The following MARCHF1 variants were observed in gnomAD, a reference collection of about 807,000 sequenced individuals.
MARCHF1 encodes the protein E3 ubiquitin-protein ligase MARCHF1.
A neutral mutation model predicts 54.2 loss-of-function variants in MARCHF1; 40 were observed. That is an observed-to-expected ratio of 0.74 (90% CI 0.57 to 0.96). The LOEUF (loss-of-function observed/expected upper bound fraction) is 0.96, where lower values mean the gene tolerates loss of function less well. Among genes scored for constraint, MARCHF1 ranks in the 40% least tolerant of loss-of-function variants. The probability of loss-of-function intolerance (pLI) is 0.00; values close to 1 mark genes in which losing one functional copy is unlikely to be tolerated. For synonymous variants in MARCHF1, 236 were observed against 236.3 expected, an observed-to-expected ratio of 1.00 and a Z score of 0.01; for missense variants, 586 against 656.5, an observed-to-expected ratio of 0.89 and a Z score of 1.17.
At chr4:164,245,036 G>A (rs1732899013) in intron 1 of MARCHF1, among the ~76,000 whole-genome samples, 1 of 152,112 alleles carries the variant, frequency 6.6e-6, no homozygotes, top group African/African-American at 2.4e-5. Context: ...GGTACAAGGA[G>A]GAACTGGTAC....
intron 4 of MARCHF1, among the ~76,000 whole-genome samples, chr4:163,772,144 A>T (rs1186602556): frequency 6.6e-6 from 1 of 152,118 alleles, no homozygotes; most frequent in Non-Finnish European, 1.5e-5. Flanking sequence ...TACAGCTTTA[A>T]ATGAAATAAA....
intron 4 of MARCHF1, among the ~76,000 whole-genome samples, chr4:163,795,378 C>T (rs1451448762): frequency 6.6e-6 from 1 of 152,036 alleles, no homozygotes; most frequent in African/African-American, 2.4e-5. Context: ...TACAGGCGCA[C>T]ACCACCAGGC....
intron 4 of MARCHF1, among the ~76,000 whole-genome samples, chr4:163,790,463 A>G (rs17577600): frequency 0.024 from 3,666 of 152,176 alleles, 61 homozygotes; most frequent in Non-Finnish European, 0.03. Context: ...GGGTCTCAGA[A>G]GGCAGAATAT....
At chr4:164,027,742 TAGTA>T (rs796820820) in intron 2 of MARCHF1, among the ~76,000 whole-genome samples, 58 of 152,072 alleles carry the variant, frequency 3.8e-4, no homozygotes, top group African/African-American at 1.4e-3. Context: ...AAACAAAAAT[TAGTA>T]AGTGAGACCT....
chr4:164,288,312 A>C (rs1241843046), intron 1 of MARCHF1, among the ~76,000 whole-genome samples: 1 of 152,190 alleles, frequency 6.6e-6, no homozygotes, highest in Non-Finnish European at 1.5e-5. Flanking sequence ...TCTTGAAATT[A>C]ATATTCTTAT....
intron 3 of MARCHF1, among the ~76,000 whole-genome samples, chr4:163,923,605 C>T (rs1751476773): frequency 6.6e-6 from 1 of 151,848 alleles, no homozygotes; most frequent in Non-Finnish European, 1.5e-5. Context: ...AGCCTAAGAT[C>T]AATATGCTGT....
intron 8 of MARCHF1, among the ~76,000 whole-genome samples, chr4:163,570,800 T>G (rs1484566577): frequency 6.6e-6 from 1 of 152,148 alleles, no homozygotes; most frequent in East Asian, 1.9e-4. Context: ...TAGAACTTAG[T>G]AGGGACATCC....
intron 7 of MARCHF1, among the ~76,000 whole-genome samples, chr4:163,610,267 G>A (rs186505859): frequency 3.2e-4 from 48 of 152,056 alleles, no homozygotes; most frequent in South Asian, 1.0e-3. Flanking sequence ...GAAGAATCAG[G>A]TCTTTTGCTA....
intron 2 of MARCHF1, among the ~76,000 whole-genome samples, chr4:164,091,563 T>C (rs1010778023): frequency 2.0e-5 from 3 of 151,684 alleles, no homozygotes; most frequent in African/African-American, 7.3e-5. Flanking sequence ...AAGAACCACT[T>C]GCAATCATTG....
intron 1 of MARCHF1, among the ~76,000 whole-genome samples, chr4:164,241,082 C>T (rs1316119349): frequency 1.3e-5 from 2 of 151,944 alleles, no homozygotes; most frequent in African/African-American, 4.8e-5. Flanking sequence ...TAGACTTTTG[C>T]ATTAAGGCAA....
At chr4:163,917,219 C>T (rs914667417) in intron 3 of MARCHF1, among the ~76,000 whole-genome samples, 1 of 152,120 alleles carries the variant, frequency 6.6e-6, no homozygotes, top group African/African-American at 2.4e-5. Context: ...CCGTTATAAA[C>T]ATCTGTGCAC....
intron 5 of MARCHF1, among the ~76,000 whole-genome samples, chr4:163,663,786 C>A (rs1743433073): frequency 6.6e-6 from 1 of 152,002 alleles, no homozygotes; most frequent in Non-Finnish European, 1.5e-5. Context: ...TCTATGATCT[C>A]ATATTCAGAA....
chr4:164,031,514 T>C (rs1753877790), intron 2 of MARCHF1, among the ~76,000 whole-genome samples: 1 of 152,154 alleles, frequency 6.6e-6, no homozygotes, highest in African/African-American at 2.4e-5. Flanking sequence ...CAGGAATAAC[T>C]ATTTTATTGA....
chr4:164,112,738 T>A (rs1464153352), intron 1 of MARCHF1, among the ~76,000 whole-genome samples: 1 of 151,828 alleles, frequency 6.6e-6, no homozygotes, highest in East Asian at 1.9e-4. Context: ...ATACAACAAA[T>A]GAAAAATCAG....
At chr4:163,692,646 T>C (rs767023832) in intron 5 of MARCHF1, among the ~76,000 whole-genome samples, 1 of 143,792 alleles carries the variant, frequency 7.0e-6, no homozygotes, top group Middle Eastern at 3.6e-3. Context: ...ATTAGAGGTT[T>C]TGAACAGCAG....
intron 1 of MARCHF1, among the ~76,000 whole-genome samples, chr4:164,270,618 A>C (rs949638209): frequency 2.6e-5 from 4 of 152,342 alleles, no homozygotes; most frequent in Admixed American, 2.6e-4. Context: ...GCAATCTACA[A>C]ATGTAATTCA....
At chr4:163,676,745 C>G (rs1027752621) in intron 5 of MARCHF1, among the ~76,000 whole-genome samples, 3 of 151,740 alleles carry the variant, frequency 2.0e-5, no homozygotes, top group Non-Finnish European at 4.4e-5. Flanking sequence ...AAGGTGAGAC[C>G]CTGTCCCAAA....
intron 2 of MARCHF1, among the ~76,000 whole-genome samples, chr4:164,037,099 C>T (rs1754022320): frequency 2.0e-5 from 3 of 152,088 alleles, no homozygotes; most frequent in African/African-American, 7.2e-5. Flanking sequence ...ATGGTATGGT[C>T]ATCTAAGATA....
chr4:164,289,597 A>C (rs1734237283), intron 1 of MARCHF1, among the ~76,000 whole-genome samples: 1 of 151,602 alleles, frequency 6.6e-6, no homozygotes, highest in African/African-American at 2.4e-5. Flanking sequence ...AAAAAAAAAA[A>C]AAAAAAAACC....
Sources: gnomAD v4.1 joint callset for allele counts (sites outside exome capture counted in the v4.1 genomes callset) on GRCh38, gnomAD v4.1.1 for gene constraint, MANE v1.5 for transcripts, NCBI Gene and HGNC (gene_info 2026-07-23, HGNC 2026-07-21) for gene names.